PDXDC1: variants seen among roughly 807,000 people sequenced by gnomAD.
PDXDC1 encodes the protein pyridoxal dependent decarboxylase domain containing 1, also known as pyridoxal-dependent decarboxylase domain-containing protein 1.
In PDXDC1, 42 loss-of-function variants were observed where a neutral mutation model predicts 100.1. The ratio of observed to expected loss-of-function variants is 0.42; its 90% CI spans 0.33 to 0.54. The LOEUF (loss-of-function observed/expected upper bound fraction) is 0.54, where lower values mean the gene tolerates loss of function less well. Among genes scored for constraint, PDXDC1 ranks in the 20% least tolerant of loss-of-function variants. The pLI, the probability that PDXDC1 is intolerant of heterozygous loss-of-function variation, is 0.10. For missense variants in PDXDC1, 636 were observed against 979.2 expected, an observed-to-expected ratio of 0.65 and a Z score of 4.68; for synonymous variants, 260 against 371.7, an observed-to-expected ratio of 0.70 and a Z score of 3.46.
intron 17 of PDXDC1, 192 bp from the exon 18 acceptor site, chr16:15,032,669 A>AAAAAAAAAAAAAAAAAAAAG: frequency 4.5e-6 from 2 of 448,488 alleles, no homozygotes; most frequent in South Asian, 3.2e-5. Flanking sequence ...AAAAAAAAAA[A>AAAAAAAAAAAAAAAAAAAAG]GGCTTTCCTG....
rs538101693 is a variant in PDXDC1 at position 15,032,906 on chromosome 16, C to T, written c.1617C>T (p.Pro539=). Residue 539 remains proline (P), a synonymous_variant, in exon 18 of 23, where the codon CCC becomes CCT. Coordinates refer to ENST00000396410, the MANE Select transcript of PDXDC1 (RefSeq NM_015027.4). ...ATAAGAGCAGTTTGAAATCAGATCC[C>T]GAAGGGGAAAACATCCATGCTGGAC... ...NDDKSSLKSD[P]EGENIHAGLL... 2.9e-5 allele frequency: 46 copies of T among 1,612,350 alleles called. No individual in the cohort carries two copies. Among genetic ancestry groups the T allele is most frequent in the African/African-American group, 4.0e-5 (3 of 74,896 alleles).
In PDXDC1 at chr16:15,106,615, C is replaced by T. The variant is rs559930033; in HGVS notation, c.1400-32264C>T. The stretch of plus-strand genomic sequence containing the variant: ...CTAAAAATACAAAAAATTAGGCGGG[C>T]GTGGTGGCAGGCACCTGTAAGCCCA... On this transcript the variant is annotated intron_variant, in intron 16 of 16. Coordinates refer to the PDXDC1 transcript ENST00000535621. Among the ~76,000 whole-genome samples the T allele has an allele frequency of 1.2e-4, 18 of 149,114 alleles. 1 individual carries two copies. The highest frequency in any genetic ancestry group is 3.4e-4 in the Admixed American group (5 of 14,860).
intron 16 of PDXDC1, among the ~76,000 whole-genome samples, chr16:15,097,931 C>T (rs2046413985): frequency 7.4e-6 from 1 of 135,224 alleles, no homozygotes. Context: ...TTGTTTTCAA[C>T]ATTATGCTTT....
At position 14,989,679 on chromosome 16, in the gene PDXDC1, C is replaced by G. The variant is rs1399452026; in HGVS notation, c.22-8074C>G. 3.8e-6 allele frequency: 6 copies of G among 1,561,300 alleles called. No individual in the cohort carries two copies. In the East Asian group the frequency reaches 1.2e-4, roughly 31 times the overall value. The stretch of plus-strand genomic sequence containing the variant: ...GGGGCCGGCGGCCACGGGGCCAGGA[C>G]CTGGGGACCCCAGCTGCAGGCAACG... On this transcript the variant is annotated intron_variant, in intron 1 of 22. Transcript: ENST00000396410.
intron 8 of PDXDC1, chr16:15,015,772 G>C (rs1290635676): frequency 5.2e-6 from 2 of 384,102 alleles, no homozygotes; most frequent in Admixed American, 9.1e-5. Context: ...AATATATAAA[G>C]GAAAGCTAAA....
chr16:15,093,591 C>T (rs755390793), intron 16 of PDXDC1, among the ~76,000 whole-genome samples: 38 of 152,130 alleles, frequency 2.5e-4, no homozygotes, highest in Non-Finnish European at 4.4e-4. Flanking sequence ...AATTGTTTTA[C>T]AAGGTTTGCT....
chr16:15,020,320 T>C (rs1392278093), intron 12 of PDXDC1, among the ~76,000 whole-genome samples: 5 of 152,270 alleles, frequency 3.3e-5, no homozygotes, highest in African/African-American at 1.2e-4. Context: ...TAGTAAGTTA[T>C]GCACGTGGGT....
chr16:15,078,124 T>A (rs1403666065), intron 16 of PDXDC1, among the ~76,000 whole-genome samples: 1 of 152,202 alleles, frequency 6.6e-6, no homozygotes, highest in Non-Finnish European at 1.5e-5. Context: ...CATTCTAAAA[T>A]GTTCCTTAAG....
chr16:15,022,890 C>A (rs1275889840), intron 13 of PDXDC1, 136 bp downstream of exon 13: 9 of 770,100 alleles, frequency 1.2e-5, no homozygotes, highest in Non-Finnish European at 1.2e-5. Context: ...AAAAACAAAA[C>A]AAAAAAACGA....
chr16:15,099,741 T>C (rs1378576825), intron 16 of PDXDC1, among the ~76,000 whole-genome samples: 1 of 152,220 alleles, frequency 6.6e-6, no homozygotes, highest in East Asian at 1.9e-4. Context: ...TTCACTTCAC[T>C]GAGTAATATA....
In PDXDC1 at chr16:15,097,938, C is replaced by CTTTTT. The variant is rs35852184; in HGVS notation, c.1400-40924_1400-40920dup. 3.2e-4 allele frequency among the ~76,000 whole-genome samples: 29 copies of CTTTTT among 89,628 alleles called. 1 individual carries two copies. Among genetic ancestry groups the CTTTTT allele is most frequent in the Admixed American group, 1.2e-3 (7 of 5,982 alleles). 58.8% of individuals were successfully genotyped at this position (89,628 alleles called of 152,430 possible). The stretch of plus-strand genomic sequence containing the variant: ...ACTGCTGTTTGTTTTCAACATTATG[C>CTTTTT]TTTTTTTTTTTTTTTTTTTTTGAGA... On this transcript the variant is annotated intron_variant, in intron 16 of 16. Transcript: ENST00000535621.
At chr16:15,109,139 C>G (rs2046921791) in intron 16 of PDXDC1, 1 of 148,292 alleles carries the variant, frequency 6.7e-6, no homozygotes, top group African/African-American at 2.4e-5. Flanking sequence ...TAACAAGTAT[C>G]TCACATTTAA....
At chr16:15,132,830 C>G (rs546580605) in intron 16 of PDXDC1, 4 of 1,547,638 alleles carry the variant, frequency 2.6e-6, no homozygotes, top group Non-Finnish European at 3.5e-6. Flanking sequence ...TCGGCGCTGC[C>G]GCTCGTGCTT....
intron 16 of PDXDC1, among the ~76,000 whole-genome samples, chr16:15,075,791 T>A (rs918045733): frequency 1.3e-5 from 2 of 151,806 alleles, no homozygotes; most frequent in Non-Finnish European, 2.9e-5. Flanking sequence ...CCATGGCGGG[T>A]GCTTTTGGTG....
chr16:15,035,407 C>A (rs1303084313), intron 21 of PDXDC1, 42 bp from the exon 22 acceptor site: 2 of 1,217,132 alleles, frequency 1.6e-6, no homozygotes, highest in Non-Finnish European at 2.3e-6. Flanking sequence ...TCAAGGGCAG[C>A]CTGTGCCTGT....
intron 7 of PDXDC1, 37 bp downstream of exon 7, chr16:15,008,884 T>C: frequency 6.3e-7 from 1 of 1,597,676 alleles, no homozygotes; most frequent in Non-Finnish European, 8.6e-7. Context: ...TCATGTGGGA[T>C]TGTGTTTTGA....
rs544619000 is a variant in PDXDC1, at chr16:15,059,218, A to C, written c.1399+29162A>C. ...TGAGCCTGGGCATCCTTAGTTTCTC[A>C]GCACTCCAAGGGACTGATTCTAGGG... is the stretch of plus-strand genomic sequence containing the variant. On this transcript the variant is annotated intron_variant, in intron 16 of 16. Transcript: ENST00000535621. 4.6e-5 allele frequency among the ~76,000 whole-genome samples: 7 copies of C among 152,182 alleles called. No individual in the cohort carries two copies. In the South Asian group the frequency reaches 1.4e-3, roughly 31 times the overall value.
chr16:15,034,807 GC>G (rs1309780468), intron 21 of PDXDC1, among the ~76,000 whole-genome samples: 2 of 152,202 alleles, frequency 1.3e-5, no homozygotes, highest in Non-Finnish European at 2.9e-5. Flanking sequence ...ATGAGGACAC[GC>G]CCACTCAGCC....
At chr16:15,096,955 A>T (rs545317619) in intron 16 of PDXDC1, among the ~76,000 whole-genome samples, 1 of 152,226 alleles carries the variant, frequency 6.6e-6, no homozygotes, top group South Asian at 2.1e-4. Flanking sequence ...CTACACTCCC[A>T]TTCTTTCCCT....
Sources: allele counts gnomAD v4.1 joint callset (sites outside exome capture counted in the v4.1 genomes callset), GRCh38; gene constraint gnomAD v4.1.1; transcripts MANE v1.5; gene names NCBI Gene and HGNC (gene_info 2026-07-23, HGNC 2026-07-21).